CHDH: variants seen among roughly 807,000 people sequenced by gnomAD.
The protein encoded by CHDH is choline dehydrogenase, mitochondrial.
In CHDH, 43 loss-of-function variants were observed where a neutral mutation model predicts 56.9. The observed-to-expected ratio is 0.76, with a 90% confidence interval of 0.59 to 0.97. CHDH has a LOEUF of 0.97. Ranked by LOEUF, CHDH falls within the 50% of genes least tolerant of loss-of-function variation. The pLI, the probability that CHDH is intolerant of heterozygous loss-of-function variation, is 0.00. For synonymous variants in CHDH, 364 were observed against 348.5 expected, an observed-to-expected ratio of 1.04 and a Z score of -0.50; for missense variants, 816 against 821.1, an observed-to-expected ratio of 0.99 and a Z score of 0.08.
chr3:53,835,844 A>G (rs1323772191), intron 2 of CHDH, among the ~76,000 whole-genome samples: 4 of 152,164 alleles, frequency 2.6e-5, no homozygotes, highest in African/African-American at 9.7e-5. Context: ...CGTCACCATC[A>G]GCCCCATGTC....
rs115922111 is a variant in CHDH, at chr3:53,828,835, T to C, written c.-59-4768A>G. On this transcript the variant is annotated intron_variant, in intron 2 of 8. Coordinates refer to ENST00000315251, the MANE Select transcript of CHDH (RefSeq NM_018397.5). ...GGTACAGCCACTTTGGAAGACAGTT[T>C]GGTGATTTCTTGTAAAAATCAACAC... Among the ~76,000 whole-genome samples the C allele has an allele frequency of 6.7e-3, 1,027 of 152,342 alleles. 14 individuals are homozygous for C. Among genetic ancestry groups the C allele is most frequent in the African/African-American group, 0.023 (938 of 41,576 alleles).
Position 53,820,567 on chromosome 3 carries a change from G to C in CHDH, c.1027C>G (p.Gln343Glu), listed in dbSNP as rs776468210. Residue 343 changes from glutamine (Q) to glutamate (E), a missense_variant, in exon 6 of 9, where the codon CAG (glutamine) becomes GAG (glutamate). Gln to Glu is a conservative substitution (Grantham distance 29, BLOSUM62 2). Coordinates refer to ENST00000315251, the MANE Select transcript of CHDH (RefSeq NM_018397.5). ...NLQDHLEIYI[Q>E]QACTRPITLH... ...GTGATAGGGCGGGTGCATGCCTGCTGAATGTAGATCTCCAGGTGGTCTTGC... is the reference window on the plus strand; with the variant it reads ...GTGATAGGGCGGGTGCATGCCTGCTCAATGTAGATCTCCAGGTGGTCTTGC... 1 of 1,614,110 alleles carries C rather than the reference G, an allele frequency of 6.2e-7. No homozygotes were observed. The highest frequency in any genetic ancestry group is 1.1e-5 in the South Asian group (1 of 91,078).
intron 2 of CHDH, 94 bp downstream of exon 2, chr3:53,840,835 A>G (rs1366535422): frequency 2.0e-5 from 3 of 152,224 alleles, no homozygotes; most frequent in Admixed American, 1.3e-4. Flanking sequence ...ATTCCCCAGA[A>G]GTTTGGGGTG....
chr3:53,819,630 T>G lies in CHDH; in HGVS notation c.1165A>C (p.Ser389Arg). Residue 389 changes from serine (S) to arginine (R), a missense_variant, in exon 7 of 9, where the codon AGC becomes CGC. Transcript: ENST00000315251. The surrounding 1 kb of genome is among the most constrained non-coding windows in gnomAD (Gnocchi z 5.4). ...TCCGGGTGGGGGACCCCAGGCTGGC[T>G]GCGGATGAACCCACCTGTTTCCAGA... ...AHLETGGFIR[S>R]QPGVPHPDIQ... 1 of 1,612,118 alleles carries G rather than the reference T, an allele frequency of 6.2e-7. No homozygotes were observed. The highest frequency in any genetic ancestry group is 1.7e-4 in the Middle Eastern group (1 of 6,054).
chr3:53,824,348 A>T (rs139893873), intron 2 of CHDH, among the ~76,000 whole-genome samples: 23 of 152,332 alleles, frequency 1.5e-4, no homozygotes, highest in Non-Finnish European at 2.8e-4. Context: ...ACTGGGCTGG[A>T]GTCTGCCTGC....
At chr3:53,840,009 A>C (rs549462406) in intron 2 of CHDH, among the ~76,000 whole-genome samples, 1 of 152,320 alleles carries the variant, frequency 6.6e-6, no homozygotes, top group African/African-American at 2.4e-5. Context: ...GAGGCTAAAA[A>C]AGTGGATCTC....
Position 53,818,919 on chromosome 3 carries a change from A to T in CHDH, c.1366+19T>A. 2 of 1,475,140 alleles carry T rather than the reference A, an allele frequency of 1.4e-6. No individual in the cohort carries two copies. Among genetic ancestry groups the T allele is most frequent in the Non-Finnish European group, 1.9e-6 (2 of 1,053,004 alleles). The allele number at this position is 1,475,140 out of a possible 1,614,324, so 91.4% of individuals were successfully genotyped here. On this transcript the variant is annotated intron_variant, in intron 8 of 8. Transcript: ENST00000315251. ...CATTCGTTTGTTCAAGCCCAGGAAG[A>T]CACAGGTGGGTGAAGTACCTGTTGA...
chr3:53,821,864 A>G, intron 4 of CHDH, 88 bp from the exon 5 acceptor site: 2 of 1,527,600 alleles, frequency 1.3e-6, no homozygotes, highest in South Asian at 1.2e-5. Flanking sequence ...CAGCACCATG[A>G]GAACACAGCC....
rs1221246758 is a variant in CHDH at position 53,814,018 on chromosome 3, A to G, written c.*3759T>C. On this transcript the variant is annotated 3_prime_UTR_variant, in exon 9 of 9. Transcript: ENST00000315251. ...CCAGACAGCTGGATCTCGCTTCACC[A>G]TGTGGCACTTTCCAGCTCTATCCTA... 1 of 152,090 alleles carries G rather than the reference A, an allele frequency of 6.6e-6. No individual in the cohort carries two copies. Among genetic ancestry groups the G allele is most frequent in the Non-Finnish European group, 1.5e-5 (1 of 68,052 alleles). The allele number at this position is 152,090 out of a possible 1,614,324, so 9.4% of individuals were successfully genotyped here. A position where few individuals can be genotyped will look rare whatever the true frequency, so the allele number is the denominator to read the frequency against.
intron 2 of CHDH, among the ~76,000 whole-genome samples, chr3:53,830,420 A>ATATC (rs1559757578): frequency 6.6e-6 from 1 of 151,150 alleles, no homozygotes. Flanking sequence ...ATATATATAT[A>ATATC]TCTTCACATA....
intron 2 of CHDH, among the ~76,000 whole-genome samples, chr3:53,825,481 T>C (rs182804331): frequency 7.0e-4 from 107 of 152,168 alleles, no homozygotes; most frequent in African/African-American, 2.5e-3. Flanking sequence ...AGAAGAACAA[T>C]TTTTAATTGG....
At chr3:53,845,151 G>A (rs1027610957) in intron 1 of CHDH, among the ~76,000 whole-genome samples, 3 of 152,186 alleles carry the variant, frequency 2.0e-5, no homozygotes, top group Admixed American at 1.3e-4. Context: ...GCAGGGGTGC[G>A]GCCACAACCT....
intron 1 of CHDH, among the ~76,000 whole-genome samples, chr3:53,844,975 C>CCAGG (rs1698809624): frequency 6.6e-6 from 1 of 152,260 alleles, no homozygotes; most frequent in South Asian, 2.1e-4. Flanking sequence ...CATCCTCACT[C>CCAGG]CAGGAGTACC....
Position 53,822,485 on chromosome 3 carries a change from A to C in CHDH, c.855+6T>G, listed in dbSNP as rs759744487. The stretch of plus-strand genomic sequence containing the variant: ...TCTTCCAGGACCCCAGCTGCAGTCC[A>C]CTCACCCTGTGGCTCTGGCCATTCT... On this transcript the variant is annotated splice_donor_region_variant and intron_variant, in intron 4 of 8. Coordinates refer to ENST00000315251, the MANE Select transcript of CHDH (RefSeq NM_018397.5). 3 of 1,604,502 alleles carry C rather than the reference A, an allele frequency of 1.9e-6. No homozygotes were observed. The African/African-American group carries it at 4.0e-5, about 21-fold the overall frequency.
intron 2 of CHDH, among the ~76,000 whole-genome samples, chr3:53,827,929 C>T (rs556061850): frequency 1.3e-5 from 2 of 151,988 alleles, no homozygotes; most frequent in African/African-American, 4.8e-5. Context: ...GAATGGCCAA[C>T]AAAATACTGA....
rs996715834 is a variant in CHDH at position 53,813,250 on chromosome 3, T to G, written c.*4527A>C. 4.0e-5 allele frequency: 6 copies of G among 151,230 alleles called. No individual in the cohort carries two copies. Among genetic ancestry groups the G allele is most frequent in the African/African-American group, 1.2e-4 (5 of 41,164 alleles). 9.4% of individuals were successfully genotyped at this position (151,230 alleles called of 1,614,324 possible). On this transcript the variant is annotated 3_prime_UTR_variant, in exon 9 of 9. Transcript: ENST00000315251. ...GCAAAAACACTTCAAGGTTTGTAAA[T>G]GACTCTTTCCTGACATAAATCCTTT... is the stretch of plus-strand genomic sequence containing the variant.
In CHDH at chr3:53,816,843, T is replaced by G. The variant is rs1391240398; in HGVS notation, c.*934A>C. The stretch of plus-strand genomic sequence containing the variant: ...ATAAGGTCCAAAAAAATCTCAGGTT[T>G]TTTTTTTTTTTTTTTTTTTTGAGAC... On this transcript the variant is annotated 3_prime_UTR_variant, in exon 9 of 9. Transcript: ENST00000315251. 1.1e-5 allele frequency: 1 copy of G among 87,080 alleles called. No individual in the cohort carries two copies. The allele number at this position is 87,080 out of a possible 1,614,324, so 5.4% of individuals were successfully genotyped here.
Position 53,818,113 on chromosome 3 carries a change from C to T in CHDH, c.1449G>A (p.Gly483=). 6.2e-7 allele frequency: 1 copy of T among 1,614,028 alleles called. No individual in the cohort carries two copies. Among genetic ancestry groups the T allele is most frequent in the African/African-American group, 1.3e-5 (1 of 75,052 alleles). The part of the protein sequence containing the change: ...FAQEALAPFR[G]KELQPGSHIQ... ...TGTGGCTTCCTGGCTGGAGCTCTTT[C>T]CCTCGGAACGGAGCCAGGGCTTCCT... The change falls in exon 9 of 9, where the codon GGG becomes GGA. Residue 483 remains glycine (G), a synonymous_variant. Transcript: ENST00000315251.
At position 53,817,069 on chromosome 3, in the gene CHDH, G is replaced by A. The variant is rs2095617201; in HGVS notation, c.*708C>T. The A allele has an allele frequency of 6.6e-6, 1 of 152,532 alleles. No homozygotes were observed. Among genetic ancestry groups the A allele is most frequent in the Non-Finnish European group, 1.5e-5 (1 of 68,432 alleles). The allele number at this position is 152,532 out of a possible 1,614,324, so 9.4% of individuals were successfully genotyped here. On this transcript the variant is annotated 3_prime_UTR_variant, in exon 9 of 9. Transcript: ENST00000315251. ...GCCCAGGCTGGTCTTGAACTCCTGA[G>A]CTCAAGTGACCTTCCCAAAGTGCTG...
Sources: allele counts gnomAD v4.1 joint callset (sites outside exome capture counted in the v4.1 genomes callset), GRCh38; gene constraint gnomAD v4.1.1; non-coding constraint Gnocchi (gnomAD v3.1); transcripts MANE v1.5; gene names NCBI Gene and HGNC (gene_info 2026-07-23, HGNC 2026-07-21).